The following RELB variants were observed in gnomAD, a reference collection of about 807,000 sequenced individuals.
RELB encodes the protein transcription factor RelB.
Under a neutral mutation model 55.4 loss-of-function variants are expected in RELB, and 14 were observed. The ratio of observed to expected loss-of-function variants is 0.25; its 90% CI spans 0.17 to 0.40. The LOEUF (loss-of-function observed/expected upper bound fraction) is 0.40, where lower values mean the gene tolerates loss of function less well. Among genes scored for constraint, RELB ranks in the 10% least tolerant of loss-of-function variants. The pLI is 1.00. For missense variants in RELB, 669 were observed against 830.7 expected, an observed-to-expected ratio of 0.81 and a Z score of 2.39; for synonymous variants, 409 against 371.3, an observed-to-expected ratio of 1.10 and a Z score of -1.17.
intron 4 of RELB, among the ~76,000 whole-genome samples, chr19:45,016,944 G>A (rs570401851): frequency 2.6e-5 from 4 of 152,248 alleles, no homozygotes; most frequent in Admixed American, 2.0e-4. Context: ...TTATTGACTC[G>A]AATCTTTGGC....
chr19:45,003,474 CAAAAAAAAA>C (rs55717847), intron 2 of RELB: 282 of 343,608 alleles, frequency 8.2e-4, no homozygotes, highest in East Asian at 2.3e-3. Context: ...GACTCCGACT[CAAAAAAAAA>C]AAAAAAAAAA....
chr19:45,038,175 A>C lies in RELB; in HGVS notation c.*385A>C. On this transcript the variant is annotated 3_prime_UTR_variant, in exon 12 of 12. Coordinates refer to ENST00000221452, the MANE Select transcript of RELB (RefSeq NM_006509.4). ...TTGGTTGTTCAGAGTCTTCCCAATA[A>C]AGATGAGTTTTTGAGCCTCCGGGGT... 1.7e-5 allele frequency: 3 copies of C among 177,858 alleles called. No individual in the cohort carries two copies. The highest frequency in any genetic ancestry group is 3.5e-5 in the Non-Finnish European group (3 of 85,484). The allele number at this position is 177,858 out of a possible 1,614,324, so 11.0% of individuals were successfully genotyped here.
At chr19:45,010,812 G>A (rs2122407221) in intron 3 of RELB, among the ~76,000 whole-genome samples, 1 of 152,032 alleles carries the variant, frequency 6.6e-6, no homozygotes. Context: ...CGAGTAGCTG[G>A]GAGTACAGGC....
chr19:45,021,228 C>T (rs1042284187), intron 4 of RELB, among the ~76,000 whole-genome samples: 2 of 151,940 alleles, frequency 1.3e-5, no homozygotes, highest in Non-Finnish European at 2.9e-5. Context: ...AATCCCAGCA[C>T]TTTGGGAGGC....
chr19:45,008,715 G>A (rs901957360), intron 2 of RELB: 12 of 348,100 alleles, frequency 3.4e-5, no homozygotes, highest in East Asian at 7.4e-5. Flanking sequence ...ATCTAGCAGC[G>A]GAACAGGTTC....
At chr19:45,006,333 C>T (rs540093689) in intron 2 of RELB, among the ~76,000 whole-genome samples, 9 of 152,142 alleles carry the variant, frequency 5.9e-5, no homozygotes, top group Non-Finnish European at 1.3e-4. Flanking sequence ...GCCTCTCAAA[C>T]AGCTGGGATT....
In RELB at chr19:45,019,904, C is replaced by T. The variant is rs561609965; in HGVS notation, c.505-2149C>T. Among the ~76,000 whole-genome samples the T allele has an allele frequency of 3.2e-4, 48 of 151,050 alleles. No homozygotes were observed. The East Asian group carries it at 3.8e-3, about 12-fold the overall frequency. ...GTTGGTCAGCCTGGTCTCAAACTCC[C>T]GACCTCAGTTGATCCACCCACCTCG... On this transcript the variant is annotated intron_variant, in intron 4 of 11. Coordinates refer to ENST00000221452, the MANE Select transcript of RELB (RefSeq NM_006509.4).
chr19:45,025,305 C>G, intron 5 of RELB, 24 bp from the exon 6 acceptor site: 1 of 1,569,264 alleles, frequency 6.4e-7, no homozygotes, highest in Non-Finnish European at 8.7e-7. Flanking sequence ...GAGCACTCCT[C>G]TCCCTCCCCC....
chr19:45,023,603 A>AT (rs1003220803), intron 5 of RELB, among the ~76,000 whole-genome samples: 9 of 147,412 alleles, frequency 6.1e-5, no homozygotes, highest in Admixed American at 2.0e-4. Context: ...ACACCCGGCT[A>AT]TTTTTTTTGT....
intron 9 of RELB, among the ~76,000 whole-genome samples, chr19:45,033,337 G>T (rs948260608): frequency 1.3e-5 from 2 of 152,140 alleles, no homozygotes; most frequent in East Asian, 3.9e-4. Context: ...GGAACAGCAG[G>T]TGCAAAGGTC....
In RELB at chr19:45,011,793, T is replaced by A. The variant is rs1214735585; in HGVS notation, c.164-143T>A. The A allele has an allele frequency of 1.5e-3, 352 of 227,876 alleles. 1 individual carries two copies. The African/African-American group carries it at 0.019, about 13-fold the overall frequency. The allele number at this position is 227,876 out of a possible 1,614,324, so 14.1% of individuals were successfully genotyped here. ...GTGTGTGTGTGTGTGTGTGTGTGTG[T>A]GTGTGAGAGAGAGAGAGAGAGAGAG... is the stretch of plus-strand genomic sequence containing the variant. On this transcript the variant is annotated intron_variant, in intron 3 of 11. Coordinates refer to ENST00000221452, the MANE Select transcript of RELB (RefSeq NM_006509.4).
Position 45,002,948 on chromosome 19 carries a change from G to T in RELB, c.107-1G>T. ...CCTGAGACGTTTCTCCTTCTCTGCA[G>T]GGTCCCCCGACCTCTCCTCACTCTC... On this transcript the variant is annotated splice_acceptor_variant, in intron 1 of 11. Coordinates refer to ENST00000221452, the MANE Select transcript of RELB (RefSeq NM_006509.4). LOFTEE classifies it high-confidence loss of function. 1 of 1,613,292 alleles carries T rather than the reference G, an allele frequency of 6.2e-7. No individual in the cohort carries two copies.
intron 5 of RELB, among the ~76,000 whole-genome samples, chr19:45,023,952 CGTTG>C (rs1971525482): frequency 2.4e-5 from 3 of 122,906 alleles, no homozygotes; most frequent in African/African-American, 9.0e-5. Flanking sequence ...GGTTTCACCA[CGTTG>C]GTCAGGCTGA....
At chr19:45,025,010 C>T (rs1443527888) in intron 5 of RELB, among the ~76,000 whole-genome samples, 8 of 152,070 alleles carry the variant, frequency 5.3e-5, no homozygotes, top group Admixed American at 3.9e-4. Context: ...CAGGCATGCA[C>T]TACTATGTCT....
intron 4 of RELB, among the ~76,000 whole-genome samples, chr19:45,019,123 C>T (rs553948568): frequency 3.2e-4 from 48 of 152,276 alleles, no homozygotes; most frequent in African/African-American, 4.8e-4. Context: ...AATACAGTGA[C>T]GCCATCACAG....
chr19:45,033,359 T>C (rs1971647857), intron 9 of RELB, among the ~76,000 whole-genome samples: 1 of 152,048 alleles, frequency 6.6e-6, no homozygotes, highest in African/African-American at 2.4e-5. Context: ...TGAGGCCGGA[T>C]TGTGCCTGGG....
rs369885274 is a variant in RELB, at chr19:45,034,491, G to A, written c.1317G>A (p.Pro439=). 1.7e-4 allele frequency: 275 copies of A among 1,609,900 alleles called. No individual in the cohort carries two copies. The highest frequency in any genetic ancestry group is 1.3e-3 in the Admixed American group (75 of 59,334). ...GIESKRRKKK[P]AILDHFLPNH... ...AGAGCAAACGGCGGAAGAAAAAGCC[G>A]GCCATCCTGGACCACTTCCTGCCCA... Residue 439 remains proline, a synonymous_variant, in exon 11 of 12, where the codon CCG becomes CCA. Coordinates refer to ENST00000221452, the MANE Select transcript of RELB (RefSeq NM_006509.4).
chr19:45,016,146 G>A (rs1261010191), intron 4 of RELB, among the ~76,000 whole-genome samples: 3 of 151,850 alleles, frequency 2.0e-5, no homozygotes, highest in Non-Finnish European at 2.9e-5. Flanking sequence ...CAGCAGGCCC[G>A]GCTAATTTTT....
At chr19:45,029,764 C>T (rs868696474) in intron 8 of RELB, among the ~76,000 whole-genome samples, 7 of 151,974 alleles carry the variant, frequency 4.6e-5, no homozygotes, top group East Asian at 1.9e-4. Flanking sequence ...GCAGGAGAAT[C>T]GCTTGAACCT....
Sources: gnomAD v4.1 joint callset for allele counts (sites outside exome capture counted in the v4.1 genomes callset) on GRCh38, gnomAD v4.1.1 for gene constraint, MANE v1.5 for transcripts, NCBI Gene and HGNC (gene_info 2026-07-23, HGNC 2026-07-21) for gene names.